SSBP2: variants seen among roughly 807,000 people sequenced by gnomAD.
SSBP2 encodes single stranded DNA binding protein 2.
In SSBP2, 17 loss-of-function variants were observed where a neutral mutation model predicts 61.8. The observed-to-expected ratio is 0.28, with a 90% confidence interval of 0.19 to 0.41. The LOEUF is 0.41. Among genes scored for constraint, SSBP2 ranks in the 10% least tolerant of loss-of-function variants. The pLI, the probability that SSBP2 is intolerant of heterozygous loss-of-function variation, is 1.00. For synonymous variants in SSBP2, 139 were observed against 141.3 expected (o/e 0.98, Z 0.12); for missense variants, 310 against 458.7 (o/e 0.68, Z 2.96).
chr5:81,608,332 G>T (rs545760171), intron 4 of SSBP2, among the ~76,000 whole-genome samples: 2 of 151,902 alleles, frequency 1.3e-5, no homozygotes, highest in African/African-American at 4.8e-5. Flanking sequence ...TAATTCAGGG[G>T]CTGAATTTTC....
chr5:81,583,457 G>A (rs188290249), intron 4 of SSBP2, among the ~76,000 whole-genome samples: 55 of 151,750 alleles, frequency 3.6e-4, no homozygotes, highest in African/African-American at 1.2e-3. Context: ...GTGAAACCCC[G>A]TCTCTACTAA....
At chr5:81,746,862 A>T (rs923828702) in intron 1 of SSBP2, among the ~76,000 whole-genome samples, 5 of 152,106 alleles carry the variant, frequency 3.3e-5, no homozygotes, top group Non-Finnish European at 5.9e-5. Context: ...AAATTAGTTT[A>T]ATAAAAAATT....
At chr5:81,536,890 G>A (rs1770845482) in intron 4 of SSBP2, among the ~76,000 whole-genome samples, 1 of 151,902 alleles carries the variant, frequency 6.6e-6, no homozygotes, top group African/African-American at 2.4e-5. Context: ...GTGTGGTGGT[G>A]CTCGCCTGTA....
Position 81,414,731 on chromosome 5 carries a change from C to T in SSBP2, c.*5773G>A, listed in dbSNP as rs1010117232. 2 of 152,184 alleles carry T rather than the reference C, an allele frequency of 1.3e-5. No homozygotes were observed. Among genetic ancestry groups the T allele is most frequent in the Non-Finnish European group, 2.9e-5 (2 of 68,038 alleles). 9.4% of individuals were successfully genotyped at this position (152,184 alleles called of 1,614,324 possible). ...GACAAGCTAACATGGGTGTGCTAAA[C>T]CTACGCACAGGAGACTCCATCTGCG... On this transcript the variant is annotated 3_prime_UTR_variant, in exon 17 of 17. Transcript: ENST00000320672.
Position 81,700,849 on chromosome 5 carries a change from G to A in SSBP2, c.62+50132C>T, listed in dbSNP as rs75791422. 4.7e-3 allele frequency among the ~76,000 whole-genome samples: 712 copies of A among 152,286 alleles called. 2 individuals carry two copies. Among genetic ancestry groups the A allele is most frequent in the African/African-American group, 0.015 (644 of 41,558 alleles). On this transcript the variant is annotated intron_variant, in intron 1 of 16. Coordinates refer to ENST00000320672, the MANE Select transcript of SSBP2 (RefSeq NM_012446.5). The stretch of plus-strand genomic sequence containing the variant: ...TAGTCTTCACAAACTGAAGAGTTAG[G>A]ATCTCCCTCTGGATTTGGCTTTGGT...
At chr5:81,723,955 C>A (rs567539239) in intron 1 of SSBP2, among the ~76,000 whole-genome samples, 1 of 151,902 alleles carries the variant, frequency 6.6e-6, no homozygotes, top group Non-Finnish European at 1.5e-5. Context: ...GTGCCACTTG[C>A]GCTACCACTA....
intron 5 of SSBP2, among the ~76,000 whole-genome samples, chr5:81,506,103 G>A (rs556862535): frequency 6.6e-6 from 1 of 152,108 alleles, no homozygotes; most frequent in Non-Finnish European, 1.5e-5. Flanking sequence ...TACCACAACT[G>A]CAGGACAGCA....
In SSBP2 at chr5:81,728,436, G is replaced by A. The variant is rs535970440; in HGVS notation, c.62+22545C>T. 2.6e-5 allele frequency among the ~76,000 whole-genome samples: 4 copies of A among 152,142 alleles called. No individual in the cohort carries two copies. The South Asian group carries it at 6.2e-4, about 24-fold the overall frequency. ...ACCTCCTTCAGTTCCTTCTATAACAGAGTTTGAAAACATTGGTATAGAGAA... is the reference window on the plus strand; with the variant it reads ...ACCTCCTTCAGTTCCTTCTATAACAAAGTTTGAAAACATTGGTATAGAGAA... On this transcript the variant is annotated intron_variant, in intron 1 of 16. Transcript: ENST00000320672.
intron 3 of SSBP2, among the ~76,000 whole-genome samples, chr5:81,623,735 T>G (rs1746863772): frequency 6.6e-6 from 1 of 152,046 alleles, no homozygotes. Context: ...TAAATAAACA[T>G]CAGAAATAAT....
chr5:81,739,942 T>C (rs1581456171), intron 1 of SSBP2, among the ~76,000 whole-genome samples: 1 of 152,188 alleles, frequency 6.6e-6, no homozygotes, highest in African/African-American at 2.4e-5. Context: ...AGCAGCATTT[T>C]TGCCAGTACT....
At chr5:81,590,345 T>C (rs919094233) in intron 4 of SSBP2, among the ~76,000 whole-genome samples, 8 of 152,060 alleles carry the variant, frequency 5.3e-5, no homozygotes, top group African/African-American at 1.9e-4. Flanking sequence ...AAGTAAGAGG[T>C]AGAAGGCTGG....
chr5:81,580,771 G>A (rs1269270165), intron 4 of SSBP2, among the ~76,000 whole-genome samples: 1 of 146,112 alleles, frequency 6.8e-6, no homozygotes, highest in Non-Finnish European at 1.5e-5. Context: ...AAAATGATTT[G>A]CTAATAGAAG....
At chr5:81,491,338 C>T (rs1766840062) in intron 5 of SSBP2, among the ~76,000 whole-genome samples, 1 of 152,132 alleles carries the variant, frequency 6.6e-6, no homozygotes, top group African/African-American at 2.4e-5. Context: ...AAAAATATTA[C>T]TAAATACCAA....
chr5:81,743,713 A>C (rs1757176828), intron 1 of SSBP2, among the ~76,000 whole-genome samples: 1 of 152,226 alleles, frequency 6.6e-6, no homozygotes, highest in African/African-American at 2.4e-5. Context: ...GATGTCTCCT[A>C]AGCAACTTCA....
intron 4 of SSBP2, among the ~76,000 whole-genome samples, chr5:81,557,974 C>G (rs1236261433): frequency 9.9e-5 from 15 of 152,030 alleles, no homozygotes; most frequent in Admixed American, 9.8e-4. Context: ...TGGGACACAG[C>G]CAAATTACTT....
intron 1 of SSBP2, among the ~76,000 whole-genome samples, chr5:81,702,582 AT>A (rs928025550): frequency 8.6e-5 from 13 of 151,346 alleles, no homozygotes; most frequent in Middle Eastern, 3.4e-3. Context: ...CAGGAATGCT[AT>A]TTTTTTTTGA....
At chr5:81,442,335 G>A (rs1370335177) in intron 13 of SSBP2, among the ~76,000 whole-genome samples, 2 of 151,692 alleles carry the variant, frequency 1.3e-5, no homozygotes, top group African/African-American at 4.8e-5. Flanking sequence ...CTAAAAATGA[G>A]GTTAATATAA....
At chr5:81,561,509 AAAAT>A (rs763238373) in intron 4 of SSBP2, among the ~76,000 whole-genome samples, 14 of 152,158 alleles carry the variant, frequency 9.2e-5, no homozygotes, top group Non-Finnish European at 1.6e-4. Context: ...TTTTTTGTTA[AAAAT>A]AAATAAATAG....
intron 1 of SSBP2, among the ~76,000 whole-genome samples, chr5:81,715,452 G>A (rs1297749820): frequency 6.6e-6 from 1 of 151,660 alleles, no homozygotes; most frequent in Non-Finnish European, 1.5e-5. Flanking sequence ...AGAAGAATCT[G>A]AGAGCTACAT....
Sources: gnomAD v4.1 joint callset for allele counts (sites outside exome capture counted in the v4.1 genomes callset) on GRCh38, gnomAD v4.1.1 for gene constraint, MANE v1.5 for transcripts, NCBI Gene and HGNC (gene_info 2026-07-23, HGNC 2026-07-21) for gene names.